ALKAL1: variants seen among roughly 807,000 people sequenced by gnomAD.
ALKAL1 encodes the protein AUG-beta.
ALKAL1 carries 23 observed loss-of-function variants against 13.5 expected under a neutral mutation model. The ratio of observed to expected loss-of-function variants is 1.70; its 90% CI spans 1.23 to 2.41. The LOEUF (loss-of-function observed/expected upper bound fraction) is 2.41. Ranked by LOEUF, ALKAL1 falls within the 30% of genes most tolerant of loss-of-function variation. ALKAL1 has a pLI of 0.00. For synonymous variants in ALKAL1, 85 were observed against 77.7 expected (o/e 1.09, Z -0.49); for missense variants, 181 against 178.4 (o/e 1.01, Z -0.08).
At position 52,559,031 on chromosome 8, in the gene ALKAL1, TAAC is replaced by T. The variant is rs541680581; in HGVS notation, c.190+6033_190+6035del. 2.0e-5 allele frequency among the ~76,000 whole-genome samples: 3 copies of T among 152,018 alleles called. No homozygotes were observed. The South Asian group carries it at 6.2e-4, about 32-fold the overall frequency. On this transcript the variant is annotated intron_variant, in intron 1 of 4. Coordinates refer to ENST00000358543, the MANE Select transcript of ALKAL1 (RefSeq NM_207413.4). ...GGCAGGGGAGGGGCCAGGCTCTTTT[TAAC>T]AACTAGCTCTCAAGAAAAGTAATAG...
At chr8:52,549,392 T>A (rs1847407673) in intron 1 of ALKAL1, among the ~76,000 whole-genome samples, 1 of 151,154 alleles carries the variant, frequency 6.6e-6, no homozygotes, top group Non-Finnish European at 1.5e-5. Flanking sequence ...TGACAAAAAA[T>A]TCAAATTTGT....
chr8:52,542,182 G>C (rs1242822967), intron 2 of ALKAL1, among the ~76,000 whole-genome samples: 1 of 152,110 alleles, frequency 6.6e-6, no homozygotes, highest in East Asian at 1.9e-4. Flanking sequence ...CACTTCCTGT[G>C]TATCCTTAAA....
intron 1 of ALKAL1, among the ~76,000 whole-genome samples, chr8:52,549,014 G>T (rs1847401695): frequency 6.6e-6 from 1 of 152,052 alleles, no homozygotes; most frequent in African/African-American, 2.4e-5. Flanking sequence ...AATGTTTACT[G>T]TTTGCTTCTA....
chr8:52,554,082 G>C (rs548021593), intron 1 of ALKAL1, among the ~76,000 whole-genome samples: 6 of 152,150 alleles, frequency 3.9e-5, no homozygotes, highest in African/African-American at 1.4e-4. Flanking sequence ...AAATTAGCTG[G>C]GCATGGTGGC....
At chr8:52,558,644 C>G (rs1005123565) in intron 1 of ALKAL1, among the ~76,000 whole-genome samples, 5 of 151,954 alleles carry the variant, frequency 3.3e-5, no homozygotes, top group African/African-American at 1.2e-4. Flanking sequence ...AAGTCGGGCT[C>G]GTTTATAGGC....
chr8:52,546,462 A>G (rs1468412868), intron 1 of ALKAL1, among the ~76,000 whole-genome samples: 2 of 152,246 alleles, frequency 1.3e-5, no homozygotes, highest in Non-Finnish European at 2.9e-5. Context: ...GCCTCCTATC[A>G]ACTATTAGTT....
intron 4 of ALKAL1, among the ~76,000 whole-genome samples, chr8:52,536,871 G>A (rs1847270849): frequency 1.3e-5 from 2 of 152,126 alleles, no homozygotes; most frequent in Admixed American, 1.3e-4. Context: ...TCACTGTTGA[G>A]GATATTTTAA....
At chr8:52,548,109 G>A (rs952729708) in intron 1 of ALKAL1, among the ~76,000 whole-genome samples, 3 of 152,188 alleles carry the variant, frequency 2.0e-5, no homozygotes, top group African/African-American at 7.2e-5. Flanking sequence ...GGCACTTTGG[G>A]AGGCCGAGGC....
intron 2 of ALKAL1, among the ~76,000 whole-genome samples, chr8:52,542,087 G>A (rs114199074): frequency 1.5e-4 from 23 of 152,042 alleles, no homozygotes; most frequent in South Asian, 2.1e-4. Flanking sequence ...CCCTCACCAC[G>A]GGAAAGCCTT....
Position 52,565,327 on chromosome 8 carries a change from C to T in ALKAL1, c.-71G>A, listed in dbSNP as rs1847591158. 1.7e-6 allele frequency: 2 copies of T among 1,183,916 alleles called. No homozygotes were observed. The allele number at this position is 1,183,916 out of a possible 1,614,324, so 73.3% of individuals were successfully genotyped here. On this transcript the variant is annotated 5_prime_UTR_variant, in exon 1 of 5. Transcript: ENST00000358543. ...GACGCAGGTCCGGAGGGTGCGCGGCCCAAGAGAAGGCCAGCGGGACCACAG... is the reference window on the plus strand; with the variant it reads ...GACGCAGGTCCGGAGGGTGCGCGGCTCAAGAGAAGGCCAGCGGGACCACAG...
intron 1 of ALKAL1, among the ~76,000 whole-genome samples, chr8:52,543,152 T>C (rs913074112): frequency 3.3e-5 from 5 of 152,124 alleles, no homozygotes; most frequent in South Asian, 2.1e-4. Context: ...ATCCAGAAAA[T>C]GCAATTTATA....
intron 1 of ALKAL1, among the ~76,000 whole-genome samples, chr8:52,558,507 T>C (rs1171650522): frequency 1.3e-5 from 2 of 152,084 alleles, no homozygotes; most frequent in South Asian, 2.1e-4. Context: ...TAGTATGTGG[T>C]CGTGTCTCAG....
intron 1 of ALKAL1, among the ~76,000 whole-genome samples, chr8:52,552,846 A>G (rs1319515799): frequency 1.1e-4 from 17 of 152,184 alleles, no homozygotes; most frequent in Admixed American, 1.1e-3. Flanking sequence ...TCTTGGTTTT[A>G]GGGATTTCTC....
chr8:52,557,137 T>C lies in ALKAL1; in HGVS notation c.190+7930A>G, dbSNP rs978708513. On this transcript the variant is annotated intron_variant, in intron 1 of 4. Transcript: ENST00000358543. ...TATATGCTGGCAATAGAAAATCTCCTATAAACAAATATAACCAAGCTTTGA... is the reference window on the plus strand; with the variant it reads ...TATATGCTGGCAATAGAAAATCTCCCATAAACAAATATAACCAAGCTTTGA... Among the ~76,000 whole-genome samples the C allele has an allele frequency of 4.7e-4, 72 of 152,226 alleles. 2 individuals are homozygous for C. Among genetic ancestry groups the C allele is most frequent in the Non-Finnish European group, 2.9e-5 (2 of 68,036 alleles).
chr8:52,546,028 C>G (rs181452402), intron 1 of ALKAL1, among the ~76,000 whole-genome samples: 8 of 152,260 alleles, frequency 5.3e-5, no homozygotes, highest in African/African-American at 1.9e-4. Context: ...AGCTGTAACA[C>G]CATGGTGAGT....
intron 1 of ALKAL1, among the ~76,000 whole-genome samples, chr8:52,556,706 A>G (rs1408412126): frequency 1.3e-5 from 2 of 148,812 alleles, no homozygotes; most frequent in African/African-American, 4.9e-5. Flanking sequence ...AACAGTAATG[A>G]TACAGTAACA....
At chr8:52,559,714 G>C (rs1029427784) in intron 1 of ALKAL1, among the ~76,000 whole-genome samples, 1 of 152,150 alleles carries the variant, frequency 6.6e-6, no homozygotes, top group Admixed American at 6.5e-5. Context: ...ATTAAGGACA[G>C]TAAATACTGT....
chr8:52,561,767 T>A (rs775616510), intron 1 of ALKAL1, among the ~76,000 whole-genome samples: 4 of 152,172 alleles, frequency 2.6e-5, no homozygotes, highest in East Asian at 1.9e-4. Context: ...TTAAGCTCCA[T>A]GTCAGTGAGG....
chr8:52,539,400 C>T (rs141865895), intron 3 of ALKAL1, among the ~76,000 whole-genome samples: 1 of 152,234 alleles, frequency 6.6e-6, no homozygotes, highest in Admixed American at 6.5e-5. Flanking sequence ...GCTATCATTA[C>T]TCAGAAAAAT....
Sources: gnomAD v4.1 joint callset for allele counts (sites outside exome capture counted in the v4.1 genomes callset) on GRCh38, gnomAD v4.1.1 for gene constraint, MANE v1.5 for transcripts, NCBI Gene and HGNC (gene_info 2026-07-23, HGNC 2026-07-21) for gene names.